Variants in LRP4 observed in about 807,000 individuals in gnomAD.
The protein encoded by LRP4 is LDL receptor related protein 4.
A neutral mutation model predicts 220.3 loss-of-function variants in LRP4; 95 were observed. That is an observed-to-expected ratio of 0.43 (90% CI 0.37 to 0.51). The LOEUF (loss-of-function observed/expected upper bound fraction) is 0.51. LRP4 is among the 20% of genes least tolerant of loss of function. The pLI is 0.00. For missense variants in LRP4, 1,925 were observed against 2,567.0 expected (o/e 0.75, Z 5.40); for synonymous variants, 903 against 954.6 (o/e 0.95, Z 1.00).
chr11:46,895,872 G>A lies in LRP4; in HGVS notation c.1183+12C>T. The A allele has an allele frequency of 6.2e-7, 1 of 1,611,236 alleles. No individual in the cohort carries two copies. The highest frequency in any genetic ancestry group is 8.5e-7 in the Non-Finnish European group (1 of 1,179,920). ...GAACCCCGACTCTGCTGCAAACCAG[G>A]CCCCAGCTCACCTTGGCACGTGTGC... On this transcript the variant is annotated intron_variant, in intron 10 of 37. Transcript: ENST00000378623.
intron 25 of LRP4, 54 bp downstream of exon 25, chr11:46,876,412 A>G (rs1941018680): frequency 6.2e-7 from 1 of 1,607,286 alleles, no homozygotes; most frequent in African/African-American, 1.3e-5. Context: ...CCCCGTCATA[A>G]CCCCAGCTGA....
In LRP4 at chr11:46,858,867, G is replaced by T; in HGVS notation, c.*116C>A. On this transcript the variant is annotated 3_prime_UTR_variant, in exon 38 of 38. Coordinates refer to ENST00000378623, the MANE Select transcript of LRP4 (RefSeq NM_002334.4). ...GTGAAGGCTTAGGAACAGTTATGGG[G>T]TGGGAGGAGGAGGAGGACAAGCACA... 1.0e-6 allele frequency: 1 copy of T among 961,532 alleles called. No individual in the cohort carries two copies. The highest frequency in any genetic ancestry group is 1.7e-6 in the Non-Finnish European group (1 of 596,584). The allele number at this position is 961,532 out of a possible 1,614,324, so 59.6% of individuals were successfully genotyped here. A position where few individuals can be genotyped will look rare whatever the true frequency, so the allele number is the denominator to read the frequency against.
intron 1 of LRP4, among the ~76,000 whole-genome samples, chr11:46,906,745 C>T (rs1365760417): frequency 6.6e-6 from 1 of 152,116 alleles, no homozygotes; most frequent in Non-Finnish European, 1.5e-5. Flanking sequence ...GCCCCACCCC[C>T]GCCTTTGGCT....
intron 13 of LRP4, among the ~76,000 whole-genome samples, chr11:46,891,232 G>C (rs1438223844): frequency 6.6e-6 from 1 of 151,800 alleles, no homozygotes; most frequent in East Asian, 1.9e-4. Context: ...TCCTGCCTCA[G>C]CCTCCCAAGT....
rs1028514090 is a variant in LRP4 at position 46,898,475 on chromosome 11, C to G, written c.796+83G>C. The G allele has an allele frequency of 2.5e-6, 4 of 1,590,664 alleles. No individual in the cohort carries two copies. In the Admixed American group the frequency reaches 5.0e-5, roughly 20 times the overall value. Reference sequence around the variant, plus strand: ...TGCTGGCATTATAAGCATGAGCCACCGCGCCCAGCCGGTAGTGGCCTCTTT... The same window carrying G: ...TGCTGGCATTATAAGCATGAGCCACGGCGCCCAGCCGGTAGTGGCCTCTTT... On this transcript the variant is annotated intron_variant, in intron 7 of 37. Transcript: ENST00000378623.
rs181428047 is a variant in LRP4 at position 46,901,575 on chromosome 11, A to C, written c.200-1197T>G. On this transcript the variant is annotated intron_variant, in intron 2 of 37. Transcript: ENST00000378623. ...TACCTCCGTTCCCATTAGACTAATT[A>C]GCCACCCTCAGACATAGATGCTACA... Among the ~76,000 whole-genome samples, 8 of 152,316 alleles carry C rather than the reference A, an allele frequency of 5.3e-5. No individual in the cohort carries two copies. The East Asian group carries it at 1.5e-3, about 29-fold the overall frequency.
In LRP4 at chr11:46,858,869, GGGA is replaced by G. The variant is rs1339018742; in HGVS notation, c.*111_*113del. On this transcript the variant is annotated 3_prime_UTR_variant, in exon 38 of 38. Coordinates refer to ENST00000378623, the MANE Select transcript of LRP4 (RefSeq NM_002334.4). Reference sequence around the variant, plus strand: ...GAAGGCTTAGGAACAGTTATGGGGTGGGAGGAGGAGGAGGACAAGCACACAGAA... The same window carrying G: ...GAAGGCTTAGGAACAGTTATGGGGTGGGAGGAGGAGGACAAGCACACAGAA... 2.3e-4 allele frequency: 221 copies of G among 968,762 alleles called. No individual in the cohort carries two copies. The highest frequency in any genetic ancestry group is 6.1e-4 in the Middle Eastern group (2 of 3,296). 60.0% of individuals were successfully genotyped at this position (968,762 alleles called of 1,614,324 possible).
At chr11:46,887,897 C>G (rs1941332676) in intron 16 of LRP4, among the ~76,000 whole-genome samples, 2 of 151,060 alleles carry the variant, frequency 1.3e-5, no homozygotes, top group Admixed American at 6.6e-5. Flanking sequence ...TGCCTGTAGT[C>G]CCAGCTACTT....
chr11:46,913,908 A>G (rs1941908631), intron 1 of LRP4, among the ~76,000 whole-genome samples: 1 of 152,136 alleles, frequency 6.6e-6, no homozygotes, highest in Non-Finnish European at 1.5e-5. Flanking sequence ...AAGGGGAGAA[A>G]GAAGGGGCAG....
intron 22 of LRP4, among the ~76,000 whole-genome samples, chr11:46,878,651 A>G (rs1258930274): frequency 6.6e-6 from 1 of 152,102 alleles, no homozygotes; most frequent in African/African-American, 2.4e-5. Flanking sequence ...TTGAGAAAGG[A>G]GCATCTTTAT....
intron 23 of LRP4, 127 bp downstream of exon 23, chr11:46,877,072 A>C (rs1941039401): frequency 8.9e-7 from 1 of 1,129,012 alleles, no homozygotes. Flanking sequence ...GACAGGGGCT[A>C]TGCCAGAGGG....
intron 18 of LRP4, among the ~76,000 whole-genome samples, chr11:46,884,588 T>G (rs531272880): frequency 6.6e-6 from 1 of 151,816 alleles, no homozygotes; most frequent in Non-Finnish European, 1.5e-5. Flanking sequence ...ATACAAAAAA[T>G]TAGCCAGGCG....
chr11:46,874,666 G>T, intron 28 of LRP4, 134 bp downstream of exon 28: 1 of 730,894 alleles, frequency 1.4e-6, no homozygotes, highest in Non-Finnish European at 2.4e-6. Context: ...ACACTACAAA[G>T]TGAACAAGTC....
chr11:46,862,874 AT>A, intron 36 of LRP4, 127 bp from the exon 37 acceptor site: 1 of 792,826 alleles, frequency 1.3e-6, no homozygotes. Flanking sequence ...CCTGGTACTC[AT>A]GCCCTTAAGA....
At chr11:46,870,846 G>A (rs191958756) in intron 31 of LRP4, among the ~76,000 whole-genome samples, 165 of 152,298 alleles carry the variant, frequency 1.1e-3, no homozygotes, top group African/African-American at 3.6e-3. Flanking sequence ...AATGGGTAGC[G>A]ATAACATGTA....
At chr11:46,889,625 C>T in intron 15 of LRP4, 92 bp from the exon 16 acceptor site, 1 of 1,534,826 alleles carries the variant, frequency 6.5e-7, no homozygotes, top group Non-Finnish European at 8.9e-7. Flanking sequence ...GGTGATAGTT[C>T]CCTGAAGGGA....
At chr11:46,913,518 T>C (rs575822529) in intron 1 of LRP4, among the ~76,000 whole-genome samples, 5 of 152,248 alleles carry the variant, frequency 3.3e-5, no homozygotes, top group African/African-American at 1.2e-4. Context: ...GGCTTCCTGA[T>C]TGAAAATGGT....
At chr11:46,894,323 C>T (rs1408307877) in intron 12 of LRP4, among the ~76,000 whole-genome samples, 1 of 152,204 alleles carries the variant, frequency 6.6e-6, no homozygotes, top group African/African-American at 2.4e-5. Context: ...CTCTGTCATC[C>T]ATAAATCTGA....
In LRP4 at chr11:46,873,044, C is replaced by T; in HGVS notation, c.4583+56G>A. The T allele has an allele frequency of 6.2e-7, 1 of 1,611,104 alleles. No homozygotes were observed. The highest frequency in any genetic ancestry group is 8.5e-7 in the Non-Finnish European group (1 of 1,177,532). On this transcript the variant is annotated intron_variant, in intron 30 of 37. Coordinates refer to ENST00000378623, the MANE Select transcript of LRP4 (RefSeq NM_002334.4). This position sits in a 1 kb window ranked among gnomAD's most constrained non-coding sequence, Gnocchi z 4.2. ...TCATTTTTCCAAGGTTAATCTCAACCATTCTCTCTTCTGCCCACCCGATTT... is the reference window on the plus strand; with the variant it reads ...TCATTTTTCCAAGGTTAATCTCAACTATTCTCTCTTCTGCCCACCCGATTT...
Sources: gnomAD v4.1 joint callset for allele counts (sites outside exome capture counted in the v4.1 genomes callset) on GRCh38, gnomAD v4.1.1 for gene constraint, Gnocchi (gnomAD v3.1) non-coding constraint, MANE v1.5 for transcripts, NCBI Gene and HGNC (gene_info 2026-07-23, HGNC 2026-07-21) for gene names.